The following CYYR1 variants were observed in gnomAD, a reference collection of about 807,000 sequenced individuals.
The protein encoded by CYYR1 is cysteine and tyrosine rich 1, also known as cysteine and tyrosine-rich protein 1.
CYYR1 carries 14 observed loss-of-function variants against 15.2 expected under a neutral mutation model. The ratio of observed to expected loss-of-function variants is 0.92; its 90% CI spans 0.61 to 1.44. The LOEUF (loss-of-function observed/expected upper bound fraction) is 1.44. CYYR1 is among the 40% of genes most tolerant of loss of function. The pLI is 0.00. For missense variants in CYYR1, 228 were observed against 209.5 expected (o/e 1.09, Z -0.54); for synonymous variants, 80 against 77.4 (o/e 1.03, Z -0.18).
intron 2 of CYYR1, among the ~76,000 whole-genome samples, chr21:26,549,593 G>GT (rs1479802156): frequency 2.6e-5 from 4 of 152,062 alleles, no homozygotes; most frequent in African/African-American, 9.7e-5. Flanking sequence ...TCTGTATGCT[G>GT]TATGTTAAAT....
intron 2 of CYYR1, among the ~76,000 whole-genome samples, chr21:26,548,253 T>A: frequency 6.6e-6 from 1 of 152,256 alleles, no homozygotes; most frequent in East Asian, 1.9e-4. Flanking sequence ...GAAATTAGTT[T>A]ATGAAATGAT....
chr21:26,524,081 A>C (rs1034340353), intron 2 of CYYR1, among the ~76,000 whole-genome samples: 1 of 152,164 alleles, frequency 6.6e-6, no homozygotes, highest in Non-Finnish European at 1.5e-5. Context: ...AAATATATTC[A>C]TATGTGTATA....
Position 26,573,149 on chromosome 21 carries a change from C to T in CYYR1, c.-209G>A, listed in dbSNP as rs996675405. 2.0e-6 allele frequency: 3 copies of T among 1,489,766 alleles called. No homozygotes were observed. The highest frequency in any genetic ancestry group is 2.8e-5 in the African/African-American group (2 of 70,180). 92.3% of individuals were successfully genotyped at this position (1,489,766 alleles called of 1,614,324 possible). On this transcript the variant is annotated 5_prime_UTR_variant, in exon 1 of 4. Transcript: ENST00000652641. ...CGGGACTCCGCGGAGCTGGGGCGCC[C>T]GTGGCCCGAGACGGGCTGCGCTGGG...
intron 2 of CYYR1, among the ~76,000 whole-genome samples, chr21:26,557,883 T>G (rs903453678): frequency 6.6e-6 from 1 of 152,200 alleles, no homozygotes; most frequent in Non-Finnish European, 1.5e-5. Flanking sequence ...TGAACCTTCC[T>G]GAATATTCCC....
chr21:26,491,615 G>T (rs2065330120), intron 2 of CYYR1, among the ~76,000 whole-genome samples: 2 of 152,218 alleles, frequency 1.3e-5, no homozygotes, highest in East Asian at 3.9e-4. Context: ...ATTTAATAAG[G>T]ATTAAATATT....
intron 2 of CYYR1, among the ~76,000 whole-genome samples, chr21:26,554,710 C>G (rs181683244): frequency 3.6e-4 from 55 of 152,210 alleles, no homozygotes; most frequent in African/African-American, 1.2e-3. Context: ...CACAGACTTT[C>G]CAAATGACCT....
chr21:26,564,300 C>G (rs1427028613), intron 2 of CYYR1, among the ~76,000 whole-genome samples: 2 of 152,122 alleles, frequency 1.3e-5, no homozygotes, highest in African/African-American at 2.4e-5. Context: ...AGTATCCCCC[C>G]ACCACTGCCA....
At chr21:26,471,705 A>C (rs2065035022) in intron 3 of CYYR1, 2 of 152,208 alleles carry the variant, frequency 1.3e-5, no homozygotes. Flanking sequence ...TAAACTTTTC[A>C]AGTATCAATT....
At chr21:26,526,479 A>G (rs2065867757) in intron 2 of CYYR1, among the ~76,000 whole-genome samples, 2 of 152,288 alleles carry the variant, frequency 1.3e-5, no homozygotes, top group African/African-American at 4.8e-5. Context: ...AAAAAGTTAA[A>G]AAAAATTAAC....
At chr21:26,568,525 G>A (rs1980798993) in intron 1 of CYYR1, 1 of 152,264 alleles carries the variant, frequency 6.6e-6, no homozygotes, top group African/African-American at 2.4e-5. Context: ...GAAAAGCTAG[G>A]AAGCACCGTT....
chr21:26,540,574 T>C (rs1316288440), intron 2 of CYYR1, among the ~76,000 whole-genome samples: 1 of 152,060 alleles, frequency 6.6e-6, no homozygotes, highest in Non-Finnish European at 1.5e-5. Flanking sequence ...TGGGGCATAC[T>C]CCCAGCAGCC....
At chr21:26,518,930 T>G (rs898738874) in intron 2 of CYYR1, among the ~76,000 whole-genome samples, 1 of 152,220 alleles carries the variant, frequency 6.6e-6, no homozygotes, top group African/African-American at 2.4e-5. Context: ...TGAAGTAGAA[T>G]AGCTTTGGGT....
At chr21:26,480,457 C>T in intron 2 of CYYR1, 28 bp from the exon 3 acceptor site, 5 of 1,593,468 alleles carry the variant, frequency 3.1e-6, no homozygotes, top group Non-Finnish European at 4.3e-6. Flanking sequence ...TAAGTTTACT[C>T]AAAAGACTTG....
rs904805802 is a variant in CYYR1, at chr21:26,572,777, C to T, written c.73+91G>A. On this transcript the variant is annotated intron_variant, in intron 1 of 3. Coordinates refer to ENST00000652641, the MANE Select transcript of CYYR1 (RefSeq NM_001320768.2). The stretch of plus-strand genomic sequence containing the variant: ...TGCAAAGGTCCTTCTGCAAAGGTCC[C>T]GGTCCGTCCAGCTCAACCCACGTTA... The T allele has an allele frequency of 6.1e-6, 9 of 1,487,534 alleles. No individual in the cohort carries two copies. The African/African-American group carries it at 8.6e-5, about 14-fold the overall frequency. 92.1% of individuals were successfully genotyped at this position (1,487,534 alleles called of 1,614,324 possible).
intron 3 of CYYR1, among the ~76,000 whole-genome samples, chr21:26,479,854 C>T (rs1360473674): frequency 2.0e-5 from 3 of 151,982 alleles, no homozygotes; most frequent in African/African-American, 4.8e-5. Flanking sequence ...TTCTCTCGAC[C>T]TAATGAAGAT....
intron 1 of CYYR1, chr21:26,569,263 A>T (rs1300819484): frequency 6.6e-6 from 1 of 152,204 alleles, no homozygotes; most frequent in Non-Finnish European, 1.5e-5. Flanking sequence ...AGAAAAAAAA[A>T]AGAATAAAAT....
intron 3 of CYYR1, among the ~76,000 whole-genome samples, chr21:26,476,788 A>G (rs963272490): frequency 2.0e-5 from 3 of 152,094 alleles, no homozygotes; most frequent in Non-Finnish European, 2.9e-5. Context: ...CAGTTTTACT[A>G]TATTATTTTC....
chr21:26,523,058 T>G (rs2065821223), intron 2 of CYYR1, among the ~76,000 whole-genome samples: 1 of 152,192 alleles, frequency 6.6e-6, no homozygotes, highest in African/African-American at 2.4e-5. Flanking sequence ...ATAATCTGAA[T>G]TATTTTCGAA....
At chr21:26,532,277 C>T (rs2065941370) in intron 2 of CYYR1, among the ~76,000 whole-genome samples, 1 of 151,978 alleles carries the variant, frequency 6.6e-6, no homozygotes, top group African/African-American at 2.4e-5. Context: ...AGAAAAGGTG[C>T]CTATAGACAA....
Sources: allele counts gnomAD v4.1 joint callset (sites outside exome capture counted in the v4.1 genomes callset), GRCh38; gene constraint gnomAD v4.1.1; transcripts MANE v1.5; gene names NCBI Gene and HGNC (gene_info 2026-07-23, HGNC 2026-07-21).